Variants in SCN11A observed in about 807,000 individuals in gnomAD.
The protein encoded by SCN11A is sodium channel protein type 11 subunit alpha.
In SCN11A, 122 loss-of-function variants were observed where a neutral mutation model predicts 162.2. The observed-to-expected ratio is 0.75, with a 90% CI of 0.65 to 0.87. The LOEUF is 0.87. SCN11A is among the 40% of genes least tolerant of loss of function. SCN11A has a pLI of 0.00. For missense variants in SCN11A, 2,015 were observed against 2,181.6 expected, an observed-to-expected ratio of 0.92 and a Z score of 1.52; for synonymous variants, 758 against 751.5, an observed-to-expected ratio of 1.01 and a Z score of -0.14.
chr3:39,030,674 G>A lies in SCN11A; in HGVS notation c.-280+1706C>T, dbSNP rs113488415. On this transcript the variant is annotated intron_variant, in intron 2 of 29. Coordinates refer to ENST00000302328, the MANE Select transcript of SCN11A (RefSeq NM_001349253.2). ...AATTTACATCCAGCGCACGTTTTTA[G>A]ACTAGTATTGTTAAGAAGCCTCAGC... Among the ~76,000 whole-genome samples, 289 of 152,218 alleles carry A rather than the reference G, an allele frequency of 1.9e-3. 1 individual carries two copies. Among genetic ancestry groups the A allele is most frequent in the South Asian group, 3.3e-3 (16 of 4,828 alleles).
Position 38,894,761 on chromosome 3 carries a change from C to T in SCN11A, c.2607G>A (p.Val869=). 6.2e-7 allele frequency: 1 copy of T among 1,614,194 alleles called. No homozygotes were observed. Among genetic ancestry groups the T allele is most frequent in the Non-Finnish European group, 8.5e-7 (1 of 1,180,032 alleles). ...TGCTTTGTGCAGCACAGCCTCCTGCCACCTCTTTTTGCTGTGGTAAGTTTT... is the reference window on the plus strand; with the variant it reads ...TGCTTTGTGCAGCACAGCCTCCTGCTACCTCTTTTTGCTGTGGTAAGTTTT... ...RKQNLPQQKE[V]AGGCAAQSKD... is the part of the protein sequence containing the mutation. The change falls in exon 19 of 30, where the codon GTG becomes GTA. Residue 869 remains valine, a synonymous_variant. Transcript: ENST00000302328.
intron 27 of SCN11A, among the ~76,000 whole-genome samples, chr3:38,865,880 C>G (rs1203375744): frequency 6.6e-6 from 1 of 152,050 alleles, no homozygotes; most frequent in Non-Finnish European, 1.5e-5. Context: ...ACTTTCCCCA[C>G]CAGTCTAAAA....
chr3:39,045,795 G>A (rs936546254), intron 1 of SCN11A, among the ~76,000 whole-genome samples: 1 of 152,120 alleles, frequency 6.6e-6, no homozygotes, highest in Admixed American at 6.6e-5. Context: ...GCTAGCTAGA[G>A]CATTTAGGCA....
In SCN11A at chr3:38,950,317, A is replaced by C; in HGVS notation, c.46T>G (p.Phe16Val). The change falls in exon 5 of 30, where the codon TTC becomes GTC. Residue 16 changes from phenylalanine to valine, a missense_variant. Physicochemically the swap from Phe to Val is conservative, Grantham distance 50. Coordinates refer to ENST00000302328, the MANE Select transcript of SCN11A (RefSeq NM_001349253.2). The stretch of plus-strand genomic sequence containing the variant: ...AGAGAGTCGGAAGTGAAGGGGCGGA[A>C]ATTCCGCTCATCTGGAAAGATTACT... ...YPVIFPDERNFRPFTSDSLAA... is the reference protein window; with the variant it reads ...YPVIFPDERNVRPFTSDSLAA... The C allele has an allele frequency of 6.2e-7, 1 of 1,613,946 alleles. No homozygotes were observed. The highest frequency in any genetic ancestry group is 8.5e-7 in the Non-Finnish European group (1 of 1,179,974).
At chr3:39,011,557 T>A (rs2031134445) in intron 2 of SCN11A, among the ~76,000 whole-genome samples, 1 of 152,198 alleles carries the variant, frequency 6.6e-6, no homozygotes, top group South Asian at 2.1e-4. Context: ...AAAACAACTC[T>A]GAAAAAGGAC....
intron 2 of SCN11A, among the ~76,000 whole-genome samples, chr3:39,000,574 GT>G (rs1314194744): frequency 4.6e-5 from 7 of 152,056 alleles, no homozygotes; most frequent in African/African-American, 1.2e-4. Context: ...GTTTTACTCA[GT>G]TCTGTTACAT....
At chr3:38,936,679 T>C (rs931729766) in intron 7 of SCN11A, among the ~76,000 whole-genome samples, 3 of 151,924 alleles carry the variant, frequency 2.0e-5, no homozygotes, top group African/African-American at 7.3e-5. Context: ...GTGAAGGACC[T>C]CTTCAAGGAG....
chr3:38,905,006 G>A (rs1200104203), intron 15 of SCN11A, among the ~76,000 whole-genome samples, 186 bp downstream of exon 15: 1 of 152,228 alleles, frequency 6.6e-6, no homozygotes, highest in African/African-American at 2.4e-5. Context: ...GGGAAGGTCT[G>A]CTTCTTGTGA....
chr3:38,945,251 A>C (rs1014901300), intron 7 of SCN11A, among the ~76,000 whole-genome samples, 160 bp downstream of exon 7: 2 of 152,262 alleles, frequency 1.3e-5, no homozygotes, highest in Non-Finnish European at 2.9e-5. Context: ...GCTGTTCATT[A>C]CAAATTGTAA....
At position 39,051,915 on chromosome 3, in the gene SCN11A, A is replaced by C. The variant is rs564929279; in HGVS notation, c.-458T>G. On this transcript the variant is annotated 5_prime_UTR_variant, in exon 1 of 30. Transcript: ENST00000302328. ...ACTAACAGCACCGAGGAAACACAAC[A>C]GCCTGTTTACCTTCAGCCCCGCCAC... 2 of 1,348,082 alleles carry C rather than the reference A, an allele frequency of 1.5e-6. No individual in the cohort carries two copies. The highest frequency in any genetic ancestry group is 1.5e-5 in the African/African-American group (1 of 68,912). The allele number at this position is 1,348,082 out of a possible 1,614,324, so 83.5% of individuals were successfully genotyped here.
chr3:38,875,442 G>A (rs2065192791), intron 23 of SCN11A, among the ~76,000 whole-genome samples: 1 of 152,018 alleles, frequency 6.6e-6, no homozygotes, highest in South Asian at 2.1e-4. Context: ...TGATATGATT[G>A]TATACATAGA....
chr3:38,871,330 A>T, intron 25 of SCN11A, 115 bp downstream of exon 25: 3 of 1,042,182 alleles, frequency 2.9e-6, no homozygotes, highest in Non-Finnish European at 4.1e-6. Flanking sequence ...ATAAGGAATT[A>T]GGATTTGCTT....
chr3:38,853,783 C>T lies in SCN11A; in HGVS notation c.4057-3032G>A, dbSNP rs185629596. On this transcript the variant is annotated intron_variant, in intron 28 of 29. Coordinates refer to ENST00000302328, the MANE Select transcript of SCN11A (RefSeq NM_001349253.2). ...ATCCTGCTTTCCCTGACTTTTCAGCCTCCACTGACCTGCTCTGCTATGGAG... is the reference window on the plus strand; with the variant it reads ...ATCCTGCTTTCCCTGACTTTTCAGCTTCCACTGACCTGCTCTGCTATGGAG... Among the ~76,000 whole-genome samples the T allele has an allele frequency of 1.4e-4, 21 of 152,302 alleles. 1 individual carries two copies. The Middle Eastern group carries it at 0.014, about 99-fold the overall frequency.
intron 1 of SCN11A, among the ~76,000 whole-genome samples, chr3:39,049,913 T>G (rs1351768530): frequency 6.6e-6 from 1 of 152,172 alleles, no homozygotes; most frequent in Non-Finnish European, 1.5e-5. Flanking sequence ...AACATACTGG[T>G]GAAAATTCTG....
chr3:39,028,613 C>T (rs752796607), intron 2 of SCN11A, among the ~76,000 whole-genome samples: 2 of 152,178 alleles, frequency 1.3e-5, no homozygotes, highest in Non-Finnish European at 2.9e-5. Context: ...ATTTGGCTCA[C>T]AGTTCTGGAG....
intron 22 of SCN11A, among the ~76,000 whole-genome samples, chr3:38,881,895 T>C (rs573885069): frequency 6.6e-5 from 10 of 152,288 alleles, no homozygotes; most frequent in South Asian, 2.1e-4. Context: ...TTTCTGATCA[T>C]ACATTTTCTT....
At chr3:38,919,660 T>G (rs77161812) in intron 11 of SCN11A, among the ~76,000 whole-genome samples, 1 of 152,330 alleles carries the variant, frequency 6.6e-6, no homozygotes, top group Non-Finnish European at 1.5e-5. Flanking sequence ...GTTTTGAAAG[T>G]CTTGAATACC....
chr3:39,036,262 G>A (rs1485329803), intron 1 of SCN11A, among the ~76,000 whole-genome samples: 1 of 152,066 alleles, frequency 6.6e-6, no homozygotes. Flanking sequence ...TCACGCCTCA[G>A]GCCTCCCAAG....
chr3:38,950,566 T>C (rs1204153361), intron 4 of SCN11A, 197 bp from the exon 5 acceptor site: 4 of 585,222 alleles, frequency 6.8e-6, no homozygotes, highest in Non-Finnish European at 1.2e-5. Context: ...GCAGGAACTT[T>C]TGGCATAGAC....
Sources: allele counts gnomAD v4.1 joint callset (sites outside exome capture counted in the v4.1 genomes callset), GRCh38; gene constraint gnomAD v4.1.1; transcripts MANE v1.5; gene names NCBI Gene and HGNC (gene_info 2026-07-23, HGNC 2026-07-21).